RNLS: variants seen among roughly 807,000 people sequenced by gnomAD.
RNLS encodes the protein renalase, FAD dependent amine oxidase.
Under a neutral mutation model 39.8 loss-of-function variants are expected in RNLS, and 39 were observed. The ratio of observed to expected loss-of-function variants is 0.98; its 90% confidence interval spans 0.76 to 1.28. The LOEUF (loss-of-function observed/expected upper bound fraction) is 1.28. Ranked by LOEUF, RNLS falls within the 50% of genes most tolerant of loss-of-function variation. The pLI, the probability that RNLS is intolerant of heterozygous loss-of-function variation, is 0.00. For missense variants in RNLS, 410 were observed against 413.3 expected (o/e 0.99, Z 0.07); for synonymous variants, 147 against 150.7 (o/e 0.98, Z 0.18).
intron 5 of RNLS, among the ~76,000 whole-genome samples, chr10:88,330,984 C>CA (rs1301912499): frequency 1.3e-5 from 2 of 152,058 alleles, no homozygotes. Flanking sequence ...AGAAACTTAA[C>CA]AAAGCACTGG....
At chr10:88,229,925 T>C in the RNLS span, among the ~76,000 whole-genome samples, 1 of 152,192 alleles carries the variant, frequency 6.6e-6, no homozygotes, top group Non-Finnish European at 1.5e-5. Flanking sequence ...TGGATGGGCA[T>C]TGGGGTGGTT....
intron 5 of RNLS, among the ~76,000 whole-genome samples, chr10:88,354,460 T>A (rs1157080426): frequency 6.6e-6 from 1 of 152,170 alleles, no homozygotes; most frequent in Non-Finnish European, 1.5e-5. Context: ...GGATTTTAAT[T>A]CTCTTTCACT....
At chr10:88,335,028 T>C (rs1306189326) in intron 5 of RNLS, among the ~76,000 whole-genome samples, 1 of 152,200 alleles carries the variant, frequency 6.6e-6, no homozygotes, top group African/African-American at 2.4e-5. Flanking sequence ...GCAAAGTCTT[T>C]CCAGTCATCT....
At chr10:88,402,822 T>C (rs894317064) in intron 4 of RNLS, among the ~76,000 whole-genome samples, 1 of 152,036 alleles carries the variant, frequency 6.6e-6, no homozygotes, top group African/African-American at 2.4e-5. Flanking sequence ...TTGACAAAAG[T>C]ACTGACAAGT....
chr10:88,351,004 G>T (rs1407387070), intron 5 of RNLS, among the ~76,000 whole-genome samples: 1 of 152,106 alleles, frequency 6.6e-6, no homozygotes, highest in Admixed American at 6.5e-5. Flanking sequence ...ATTTTTTCAT[G>T]TGTCTGCTGG....
intron 4 of RNLS, among the ~76,000 whole-genome samples, chr10:88,561,085 G>A (rs1045509765): frequency 6.6e-6 from 1 of 152,040 alleles, no homozygotes; most frequent in Non-Finnish European, 1.5e-5. Flanking sequence ...AACTGAGACC[G>A]AAGTTTAAAC....
chr10:88,581,772 T>C (rs1430513778), intron 2 of RNLS, 63 bp from the exon 3 acceptor site: 1 of 1,098,428 alleles, frequency 9.1e-7, no homozygotes, highest in Non-Finnish European at 1.2e-6. Flanking sequence ...TAAAAGACTA[T>C]ATTTTCTTTC....
chr10:88,352,440 T>G (rs1229542985), intron 5 of RNLS, among the ~76,000 whole-genome samples: 2 of 152,252 alleles, frequency 1.3e-5, no homozygotes, highest in African/African-American at 4.8e-5. Flanking sequence ...AGGCCTTTTC[T>G]GCATCTATTG....
At chr10:88,392,156 T>C (rs1306510218) in intron 4 of RNLS, among the ~76,000 whole-genome samples, 1 of 152,250 alleles carries the variant, frequency 6.6e-6, no homozygotes, top group Non-Finnish European at 1.5e-5. Context: ...TGAGTGGCAA[T>C]TGTTTCACAT....
chr10:88,348,664 A>G (rs962716562), intron 5 of RNLS, among the ~76,000 whole-genome samples: 6 of 152,248 alleles, frequency 3.9e-5, no homozygotes, highest in African/African-American at 9.6e-5. Context: ...GCATCTATTG[A>G]ACTTTTTTGG....
At chr10:88,518,364 T>C (rs1038871271) in intron 4 of RNLS, among the ~76,000 whole-genome samples, 9 of 151,700 alleles carry the variant, frequency 5.9e-5, no homozygotes, top group African/African-American at 1.7e-4. Context: ...TACATTAACA[T>C]TGAAGGAAAA....
intron 6 of RNLS, among the ~76,000 whole-genome samples, chr10:88,312,444 C>T (rs1845446590): frequency 6.6e-6 from 1 of 152,188 alleles, no homozygotes; most frequent in African/African-American, 2.4e-5. Context: ...ACTCTGACCT[C>T]CAGGACTGTA....
the RNLS span, among the ~76,000 whole-genome samples, chr10:88,201,451 AG>A: frequency 2.0e-5 from 3 of 152,148 alleles, no homozygotes. Context: ...CCATGGTAAA[AG>A]TCTGACTACC....
At chr10:88,402,462 A>C (rs1209720619) in intron 4 of RNLS, among the ~76,000 whole-genome samples, 1 of 152,026 alleles carries the variant, frequency 6.6e-6, no homozygotes, top group Non-Finnish European at 1.5e-5. Context: ...CATTGCTGAG[A>C]CATACTCTAA....
At chr10:88,413,903 C>G (rs959422958) in intron 4 of RNLS, among the ~76,000 whole-genome samples, 5 of 152,100 alleles carry the variant, frequency 3.3e-5, no homozygotes, top group Non-Finnish European at 5.9e-5. Context: ...GAACCTGGAC[C>G]TTATTTTGTT....
At chr10:88,337,239 T>C (rs550458819) in intron 5 of RNLS, among the ~76,000 whole-genome samples, 1 of 152,314 alleles carries the variant, frequency 6.6e-6, no homozygotes, top group East Asian at 1.9e-4. Flanking sequence ...GATGGCATGA[T>C]GTAGTGTAGC....
At chr10:88,548,397 T>C (rs1848444287) in intron 4 of RNLS, among the ~76,000 whole-genome samples, 1 of 149,650 alleles carries the variant, frequency 6.7e-6, no homozygotes, top group African/African-American at 2.5e-5. Flanking sequence ...CCCAGCACTT[T>C]GGGAGGCTGA....
At chr10:88,542,333 G>A (rs1424776568) in intron 4 of RNLS, among the ~76,000 whole-genome samples, 2 of 151,362 alleles carry the variant, frequency 1.3e-5, no homozygotes, top group Admixed American at 1.3e-4. Flanking sequence ...GAGAAGCACA[G>A]ATTTCCCTTT....
At chr10:88,558,255 A>G (rs1040676555) in intron 4 of RNLS, among the ~76,000 whole-genome samples, 1 of 152,180 alleles carries the variant, frequency 6.6e-6, no homozygotes, top group Non-Finnish European at 1.5e-5. Context: ...AATTGGTTCT[A>G]CCACTCAACA....
Sources: gnomAD v4.1 joint callset for allele counts (sites outside exome capture counted in the v4.1 genomes callset) on GRCh38, gnomAD v4.1.1 for gene constraint, MANE v1.5 for transcripts, NCBI Gene and HGNC (gene_info 2026-07-23, HGNC 2026-07-21) for gene names.